DPP10: variants seen among roughly 807,000 people sequenced by gnomAD.
The protein encoded by DPP10 is dipeptidyl peptidase like 10.
In DPP10, 33 loss-of-function variants were observed where a neutral mutation model predicts 120.9. The observed-to-expected ratio is 0.27, with a 90% CI of 0.21 to 0.37. DPP10 has a LOEUF of 0.37. Ranked by LOEUF, DPP10 falls within the 10% of genes least tolerant of loss-of-function variation. DPP10 has a pLI of 1.00. For missense variants in DPP10, 816 were observed against 942.8 expected (o/e 0.87, Z 1.76); for synonymous variants, 337 against 326.1 (o/e 1.03, Z -0.36).
intron 2 of DPP10, among the ~76,000 whole-genome samples, chr2:115,313,080 G>C (rs567308373): frequency 6.6e-6 from 1 of 152,082 alleles, no homozygotes; most frequent in South Asian, 2.1e-4. Flanking sequence ...AAAATGAGCC[G>C]GGCATGGTGG....
chr2:115,174,729 C>A (rs919930653), intron 1 of DPP10, among the ~76,000 whole-genome samples: 1 of 152,168 alleles, frequency 6.6e-6, no homozygotes, highest in Non-Finnish European at 1.5e-5. Flanking sequence ...CATTCCCAAG[C>A]TCAGAAAAAT....
chr2:114,854,742 A>T (rs932206876), intron 1 of DPP10, among the ~76,000 whole-genome samples: 17 of 152,232 alleles, frequency 1.1e-4, no homozygotes, highest in Non-Finnish European at 2.9e-5. Flanking sequence ...AGAATTAGGT[A>T]CTGGCTAACC....
chr2:115,421,929 A>C (rs993683003), intron 3 of DPP10, among the ~76,000 whole-genome samples: 11 of 144,434 alleles, frequency 7.6e-5, no homozygotes, highest in African/African-American at 2.8e-4. Context: ...ACTATTTTCT[A>C]TTTGAAACTT....
Position 114,545,661 on chromosome 2 carries a change from A to T in DPP10, c.60+102823A>T, listed in dbSNP as rs184031018. On this transcript the variant is annotated intron_variant, in intron 1 of 25. Transcript: ENST00000410059. ...GATTCTTCATTCTTTTTGCAAAAAA[A>T]CAGTCTAAGTTTTACCCACTCTATA... 1.4e-3 allele frequency among the ~76,000 whole-genome samples: 208 copies of T among 152,320 alleles called. 3 individuals carry two copies. Among genetic ancestry groups the T allele is most frequent in the African/African-American group, 4.9e-3 (204 of 41,556 alleles).
chr2:115,417,024 C>T (rs2069496835), intron 3 of DPP10, among the ~76,000 whole-genome samples: 1 of 152,064 alleles, frequency 6.6e-6, no homozygotes, highest in Admixed American at 6.6e-5. Flanking sequence ...TTCTGTAACT[C>T]ATATATAGGG....
chr2:115,693,229 G>T (rs113593731), intron 7 of DPP10, among the ~76,000 whole-genome samples: 195 of 152,214 alleles, frequency 1.3e-3, no homozygotes, highest in African/African-American at 4.2e-3. Flanking sequence ...CTGAAAAGTG[G>T]CAGCAAAATT....
At chr2:114,872,029 C>A (rs888540736) in intron 1 of DPP10, among the ~76,000 whole-genome samples, 2 of 152,158 alleles carry the variant, frequency 1.3e-5, no homozygotes, top group Admixed American at 1.3e-4. Flanking sequence ...GGAATGGCTG[C>A]AAATACAGAT....
intron 10 of DPP10, among the ~76,000 whole-genome samples, chr2:115,749,504 A>G (rs1468350427): frequency 3.3e-5 from 5 of 152,146 alleles, no homozygotes; most frequent in African/African-American, 1.2e-4. Context: ...TGACACTGTC[A>G]TGCTTTCTCT....
At chr2:114,518,684 C>T (rs370305845) in intron 1 of DPP10, among the ~76,000 whole-genome samples, 16 of 152,306 alleles carry the variant, frequency 1.1e-4, no homozygotes, top group Admixed American at 3.9e-4. Flanking sequence ...GATCCCAGGC[C>T]CTCGCAGATC....
intron 1 of DPP10, among the ~76,000 whole-genome samples, chr2:114,840,765 A>G (rs971358818): frequency 6.6e-6 from 1 of 152,168 alleles, no homozygotes; most frequent in Admixed American, 6.6e-5. Context: ...GCTAATCCAC[A>G]TAAGAGAGAT....
At chr2:115,704,562 G>A (rs191102676) in intron 7 of DPP10, among the ~76,000 whole-genome samples, 38 of 151,806 alleles carry the variant, frequency 2.5e-4, no homozygotes, top group African/African-American at 9.2e-4. Flanking sequence ...TAAATTTCTG[G>A]TTGCTTTGAG....
intron 1 of DPP10, among the ~76,000 whole-genome samples, chr2:114,530,741 A>G (rs1228996489): frequency 6.6e-6 from 1 of 152,098 alleles, no homozygotes; most frequent in Admixed American, 6.6e-5. Context: ...TGAGATAGTC[A>G]AAAAAATACT....
intron 1 of DPP10, among the ~76,000 whole-genome samples, chr2:115,294,778 T>C (rs1440891768): frequency 2.0e-5 from 3 of 152,088 alleles, no homozygotes; most frequent in Non-Finnish European, 4.4e-5. Context: ...TGCTAATAAG[T>C]ATCACTACAA....
chr2:115,333,252 C>T (rs574850973), intron 2 of DPP10, among the ~76,000 whole-genome samples: 6 of 151,992 alleles, frequency 3.9e-5, no homozygotes, highest in African/African-American at 1.4e-4. Flanking sequence ...CAACCCCTGC[C>T]TGTTTTTGTT....
chr2:114,515,619 A>G (rs1022846670), intron 1 of DPP10, among the ~76,000 whole-genome samples: 2 of 152,196 alleles, frequency 1.3e-5, no homozygotes, highest in Non-Finnish European at 2.9e-5. Flanking sequence ...AGTTTTAGAA[A>G]TGTATTTAGT....
rs185884526 is a variant in DPP10 at position 114,666,828 on chromosome 2, G to A, written c.60+223990G>A. 5.4e-3 allele frequency among the ~76,000 whole-genome samples: 818 copies of A among 152,128 alleles called. 3 individuals are homozygous for A. Among genetic ancestry groups the A allele is most frequent in the Middle Eastern group, 0.017 (5 of 294 alleles). The stretch of plus-strand genomic sequence containing the variant: ...CTCATCGTAGAAAAAGGCATATGAT[G>A]GTAAATACATAGTATAATACTAAAT... On this transcript the variant is annotated intron_variant, in intron 1 of 25. Coordinates refer to ENST00000410059, the MANE Select transcript of DPP10 (RefSeq NM_020868.6).
chr2:114,825,268 A>G (rs1046424652), intron 1 of DPP10, among the ~76,000 whole-genome samples: 2 of 152,214 alleles, frequency 1.3e-5, no homozygotes, highest in Non-Finnish European at 2.9e-5. Context: ...ACTTCCTCAC[A>G]GGAGGAAAAT....
intron 1 of DPP10, among the ~76,000 whole-genome samples, chr2:115,268,323 A>C (rs570922797): frequency 6.6e-6 from 1 of 152,280 alleles, no homozygotes; most frequent in East Asian, 1.9e-4. Flanking sequence ...CCAAGGTTTG[A>C]AGAGGCAGTA....
chr2:114,661,552 C>A (rs1271992200), intron 1 of DPP10, among the ~76,000 whole-genome samples: 1 of 152,160 alleles, frequency 6.6e-6, no homozygotes, highest in Non-Finnish European at 1.5e-5. Context: ...CAATACAAGT[C>A]CACACAGAGC....
Sources: gnomAD v4.1 joint callset for allele counts (sites outside exome capture counted in the v4.1 genomes callset) on GRCh38, gnomAD v4.1.1 for gene constraint, MANE v1.5 for transcripts, NCBI Gene and HGNC (gene_info 2026-07-23, HGNC 2026-07-21) for gene names.